The following MAP3K2 variants were observed in gnomAD, a reference collection of about 807,000 sequenced individuals.
The protein encoded by MAP3K2 is mitogen-activated protein kinase kinase kinase 2, also known as MAP/ERK kinase kinase 2.
In MAP3K2, 24 loss-of-function variants were observed where a neutral mutation model predicts 80.3. That is an observed-to-expected ratio of 0.30 (90% CI 0.22 to 0.42). The LOEUF is 0.42. MAP3K2 is among the 10% of genes least tolerant of loss of function. MAP3K2 has a pLI of 1.00. For synonymous variants in MAP3K2, 244 were observed against 253.7 expected, an observed-to-expected ratio of 0.96 and a Z score of 0.36; for missense variants, 608 against 750.1, an observed-to-expected ratio of 0.81 and a Z score of 2.21.
rs562498493 is a variant in MAP3K2, at chr2:127,300,390, T to G, written c.*7189A>C. Reference sequence around the variant, plus strand: ...TTAAAAACATTTAGAGAGAAACCAATAGGTTAAATATAGAGAATTTAATGG... The same window carrying G: ...TTAAAAACATTTAGAGAGAAACCAAGAGGTTAAATATAGAGAATTTAATGG... On this transcript the variant is annotated 3_prime_UTR_variant, in exon 17 of 17. Coordinates refer to ENST00000682094, the MANE Select transcript of MAP3K2 (RefSeq NM_001371910.2). The G allele has an allele frequency of 6.6e-6, 1 of 152,104 alleles. No homozygotes were observed. The highest frequency in any genetic ancestry group is 1.5e-5 in the Non-Finnish European group (1 of 67,980). The allele number at this position is 152,104 out of a possible 1,614,324, so 9.4% of individuals were successfully genotyped here.
rs560138824 is a variant in MAP3K2 at position 127,377,083 on chromosome 2, T to C, written c.-66+10369A>G. 3.0e-3 allele frequency among the ~76,000 whole-genome samples: 457 copies of C among 151,836 alleles called. 5 individuals carry two copies. Among genetic ancestry groups the C allele is most frequent in the African/African-American group, 0.011 (437 of 41,434 alleles). The stretch of plus-strand genomic sequence containing the variant: ...CTCAAAAAAAAAAAAGAAATCATAC[T>C]GAAAATACCCAATGTTCACTCTATT... On this transcript the variant is annotated intron_variant, in intron 1 of 16. Coordinates refer to ENST00000682094, the MANE Select transcript of MAP3K2 (RefSeq NM_001371910.2).
At chr2:127,348,918 AAGCCCT>A (rs1164424809) in intron 1 of MAP3K2, among the ~76,000 whole-genome samples, 1 of 152,100 alleles carries the variant, frequency 6.6e-6, no homozygotes, top group Non-Finnish European at 1.5e-5. Flanking sequence ...GTTTTTCAAA[AAGCCCT>A]AATCCAAATT....
upstream of MAP3K2, chr2:127,388,244 G>T (rs1483942090): frequency 1.0e-5 from 10 of 978,286 alleles, no homozygotes; most frequent in African/African-American, 1.8e-4. Context: ...CGGCGCATAC[G>T]CACCTGGGTT....
chr2:127,360,339 C>G (rs1024947504), intron 1 of MAP3K2, among the ~76,000 whole-genome samples: 5 of 149,008 alleles, frequency 3.4e-5, no homozygotes, highest in African/African-American at 1.2e-4. Flanking sequence ...GTAAACTAAT[C>G]TATGGTGACA....
chr2:127,330,543 C>G, intron 5 of MAP3K2, 38 bp from the exon 6 acceptor site: 1 of 999,824 alleles, frequency 1.0e-6, no homozygotes, highest in Non-Finnish European at 1.5e-6. Flanking sequence ...GCTATCTCAC[C>G]AGGTCAAGTT....
At chr2:127,325,183 A>T (rs1394878674) in intron 9 of MAP3K2, among the ~76,000 whole-genome samples, 1 of 152,200 alleles carries the variant, frequency 6.6e-6, no homozygotes, top group Non-Finnish European at 1.5e-5. Context: ...AGGAATACTC[A>T]AACTATTATA....
intron 4 of MAP3K2, among the ~76,000 whole-genome samples, chr2:127,336,970 A>G (rs1573990913): frequency 6.6e-6 from 1 of 152,146 alleles, no homozygotes; most frequent in African/African-American, 2.4e-5. Flanking sequence ...GTGAAACCCT[A>G]TCTCGACTAA....
At chr2:127,357,917 A>C (rs531236178) in intron 1 of MAP3K2, among the ~76,000 whole-genome samples, 12 of 152,312 alleles carry the variant, frequency 7.9e-5, no homozygotes, top group African/African-American at 2.6e-4. Flanking sequence ...TGCATTTTTT[A>C]ATGGTGTCTT....
intron 1 of MAP3K2, among the ~76,000 whole-genome samples, chr2:127,358,268 G>C (rs1686827728): frequency 6.6e-6 from 1 of 152,152 alleles, no homozygotes; most frequent in African/African-American, 2.4e-5. Context: ...GATTACAAAA[G>C]ACTAGCCATC....
At chr2:127,366,143 T>C (rs1225634068) in intron 1 of MAP3K2, among the ~76,000 whole-genome samples, 1 of 152,194 alleles carries the variant, frequency 6.6e-6, no homozygotes, top group Non-Finnish European at 1.5e-5. Flanking sequence ...TCTCACTACT[T>C]GATCCTCCCA....
At chr2:127,365,058 A>G (rs1278175371) in intron 1 of MAP3K2, among the ~76,000 whole-genome samples, 1 of 131,094 alleles carries the variant, frequency 7.6e-6, no homozygotes. Flanking sequence ...CAGAGGTTGC[A>G]ATGAGCCGAG....
At position 127,329,366 on chromosome 2, in the gene MAP3K2, C is replaced by CTTT. The variant is rs10625897; in HGVS notation, c.466+552_466+554dup. Among the ~76,000 whole-genome samples, 562 of 146,236 alleles carry CTTT rather than the reference C, an allele frequency of 3.8e-3. 3 individuals are homozygous for CTTT. The highest frequency in any genetic ancestry group is 8.4e-3 in the African/African-American group (336 of 39,766). On this transcript the variant is annotated intron_variant, in intron 7 of 16. Coordinates refer to ENST00000682094, the MANE Select transcript of MAP3K2 (RefSeq NM_001371910.2). ...TCCATTCTATTTGTACAATTAAAAC[C>CTTT]TTTTTTTTTGAGATGGAGTCTTGCT...
intron 1 of MAP3K2, among the ~76,000 whole-genome samples, chr2:127,365,004 T>C (rs774832806): frequency 1.3e-5 from 2 of 151,546 alleles, no homozygotes; most frequent in Non-Finnish European, 2.9e-5. Context: ...GGCACATGCC[T>C]GTAATCCCTG....
rs369088747 is a variant in MAP3K2 at position 127,317,655 on chromosome 2, A to G, written c.1300T>C (p.Ser434Pro). 1.3e-6 allele frequency: 2 copies of G among 1,582,160 alleles called. No individual in the cohort carries two copies. The highest frequency in any genetic ancestry group is 1.7e-6 in the Non-Finnish European group (2 of 1,162,564). Residue 434 changes from serine to proline, a missense_variant, in exon 14 of 17, where the codon TCC becomes CCC. By Grantham distance (74) the Ser-to-Pro change is moderately conservative. Coordinates refer to ENST00000682094, the MANE Select transcript of MAP3K2 (RefSeq NM_001371910.2). ...CLRDPQEKTL[S>P]IFMEYMPGGS... ...CCTGGCATATATTCCATAAATATGG[A>G]AAGTGTTTTTTCCTGGGGATCCCTC...
chr2:127,367,638 C>A (rs1275096671), intron 1 of MAP3K2, among the ~76,000 whole-genome samples: 1 of 151,816 alleles, frequency 6.6e-6, no homozygotes, highest in Non-Finnish European at 1.5e-5. Flanking sequence ...ACTAAAAATG[C>A]AAAAATTAGC....
intron 1 of MAP3K2, among the ~76,000 whole-genome samples, chr2:127,361,407 C>A (rs561935776): frequency 6.6e-6 from 1 of 151,814 alleles, no homozygotes; most frequent in East Asian, 1.9e-4. Flanking sequence ...TAGAGCCTCC[C>A]AGAATGAATA....
At chr2:127,340,377 G>A (rs918812479) in intron 2 of MAP3K2, among the ~76,000 whole-genome samples, 3 of 152,166 alleles carry the variant, frequency 2.0e-5, no homozygotes, top group Admixed American at 2.0e-4. Flanking sequence ...GTAAATCCTT[G>A]GCCAGGCACA....
At chr2:127,357,784 A>G (rs1057478294) in intron 1 of MAP3K2, among the ~76,000 whole-genome samples, 12 of 152,312 alleles carry the variant, frequency 7.9e-5, no homozygotes, top group African/African-American at 2.2e-4. Flanking sequence ...TGGATACCTC[A>G]GCTGTCACCT....
chr2:127,339,710 C>G lies in MAP3K2; in HGVS notation c.5-660G>C, dbSNP rs1006705794. 6.6e-6 allele frequency among the ~76,000 whole-genome samples: 1 copy of G among 152,262 alleles called. No homozygotes were observed. Among genetic ancestry groups the G allele is most frequent in the Middle Eastern group, 3.4e-3 (1 of 294 alleles). ...TGAGAGAAAGCATCATGAACATGAA[C>G]TTTTAGACTCTTATAAATATACCAA... On this transcript the variant is annotated intron_variant, in intron 2 of 16. Coordinates refer to ENST00000682094, the MANE Select transcript of MAP3K2 (RefSeq NM_001371910.2). The surrounding 1 kb of genome is among the most constrained non-coding windows in gnomAD (Gnocchi z 4.2).
Sources: allele counts gnomAD v4.1 joint callset (sites outside exome capture counted in the v4.1 genomes callset), GRCh38; gene constraint gnomAD v4.1.1; non-coding constraint Gnocchi (gnomAD v3.1); transcripts MANE v1.5; gene names NCBI Gene and HGNC (gene_info 2026-07-23, HGNC 2026-07-21).